TYW1B: variants seen among roughly 807,000 people sequenced by gnomAD.
The protein encoded by TYW1B is tRNA-yW synthesizing protein 1 homolog B, also known as S-adenosyl-L-methionine-dependent tRNA 4-demethylwyosine synthase TYW1B.
A neutral mutation model predicts 86.9 loss-of-function variants in TYW1B; 73 were observed. That is an observed-to-expected ratio of 0.84 (90% CI 0.70 to 1.02). TYW1B has a LOEUF of 1.02. Ranked by LOEUF, TYW1B falls within the 50% of genes least tolerant of loss-of-function variation. TYW1B has a pLI of 0.00. For synonymous variants in TYW1B, 248 were observed against 292.8 expected, an observed-to-expected ratio of 0.85 and a Z score of 1.56; for missense variants, 637 against 827.4, an observed-to-expected ratio of 0.77 and a Z score of 2.82.
At chr7:72,653,631 T>G (rs1438953113) in intron 11 of TYW1B, among the ~76,000 whole-genome samples, 8 of 151,792 alleles carry the variant, frequency 5.3e-5, no homozygotes, top group Non-Finnish European at 1.0e-4. Flanking sequence ...ATAATATACC[T>G]GCTAACCAGC....
At chr7:72,713,998 C>T (rs1283396613) in intron 9 of TYW1B, among the ~76,000 whole-genome samples, 200 bp from the exon 10 acceptor site, 1 of 149,888 alleles carries the variant, frequency 6.7e-6, no homozygotes, top group Non-Finnish European at 1.5e-5. Flanking sequence ...GTTTTGGTAC[C>T]AGTTAAACTA....
chr7:72,591,747 A>T (rs1811400365), intron 13 of TYW1B, among the ~76,000 whole-genome samples: 1 of 152,212 alleles, frequency 6.6e-6, no homozygotes, highest in South Asian at 2.1e-4. Context: ...TAAAGATCAT[A>T]GTAAAGGTAA....
At chr7:72,736,714 A>C (rs1787202638) in intron 8 of TYW1B, among the ~76,000 whole-genome samples, 2 of 152,186 alleles carry the variant, frequency 1.3e-5, no homozygotes, top group Admixed American at 6.5e-5. Context: ...ACAGAAATGC[A>C]ATCTTACTAT....
intron 12 of TYW1B, among the ~76,000 whole-genome samples, chr7:72,625,896 C>CTG (rs1265783722): frequency 1.4e-5 from 1 of 71,378 alleles, no homozygotes. Flanking sequence ...AGAGGTGGGG[C>CTG]GGGGGGGGGG....
rs1466957350 is a variant in TYW1B, at chr7:72,778,669, C to T, written c.847-1136G>A. ...GTTTCCCCATGTTGGCCAGGCTGGT[C>T]TGAAACTCCTGGCCAATGTCTACTT... On this transcript the variant is annotated intron_variant, in intron 6 of 13. Transcript: ENST00000620995. 2.0e-5 allele frequency among the ~76,000 whole-genome samples: 3 copies of T among 152,192 alleles called. 1 individual carries two copies. Among genetic ancestry groups the T allele is most frequent in the Non-Finnish European group, 4.4e-5 (3 of 68,034 alleles).
chr7:72,710,703 G>T (rs1786636826), intron 10 of TYW1B, among the ~76,000 whole-genome samples: 1 of 152,122 alleles, frequency 6.6e-6, no homozygotes, highest in South Asian at 2.1e-4. Context: ...AGCTACTGGG[G>T]AGACTGAGGC....
intron 8 of TYW1B, among the ~76,000 whole-genome samples, chr7:72,740,317 T>C (rs1787280608): frequency 6.6e-6 from 1 of 151,790 alleles, no homozygotes; most frequent in Non-Finnish European, 1.5e-5. Flanking sequence ...TGAGAATTGC[T>C]TGAACCCAGG....
rs1340481204 is a variant in TYW1B, at chr7:72,825,451, G to A, written c.135+1404C>T. On this transcript the variant is annotated intron_variant, in intron 2 of 13. Transcript: ENST00000620995. ...CCCAGCACTTTGGGAGGCCGAGGCA[G>A]GCGCATCACCTGAGCCCAGGAGTTT... is the stretch of plus-strand genomic sequence containing the variant. 3.9e-5 allele frequency among the ~76,000 whole-genome samples: 6 copies of A among 152,328 alleles called. No individual in the cohort carries two copies. In the East Asian group the frequency reaches 5.8e-4, roughly 15 times the overall value.
intron 6 of TYW1B, among the ~76,000 whole-genome samples, chr7:72,785,904 G>A (rs1451453838): frequency 6.6e-6 from 1 of 152,142 alleles, no homozygotes; most frequent in Non-Finnish European, 1.5e-5. Flanking sequence ...CCTGAGGTCA[G>A]GAGTTCAAGA....
intron 11 of TYW1B, among the ~76,000 whole-genome samples, chr7:72,666,802 C>A (rs371140131): frequency 6.6e-6 from 1 of 151,896 alleles, no homozygotes; most frequent in Non-Finnish European, 1.5e-5. Flanking sequence ...GAGACCGAGG[C>A]GGGTGGATCA....
intron 11 of TYW1B, among the ~76,000 whole-genome samples, chr7:72,630,822 T>C (rs1433313411): frequency 4.6e-5 from 7 of 152,160 alleles, no homozygotes; most frequent in Non-Finnish European, 1.0e-4. Context: ...TACATACTTA[T>C]AATCCTTCCA....
At chr7:72,709,384 C>T (rs1484351981) in intron 10 of TYW1B, among the ~76,000 whole-genome samples, 5 of 152,168 alleles carry the variant, frequency 3.3e-5, no homozygotes, top group Non-Finnish European at 7.3e-5. Flanking sequence ...AATCCAAAAG[C>T]GTGGCCGAGC....
In TYW1B at chr7:72,684,703, A is replaced by G. The variant is rs564862340; in HGVS notation, c.1506+9984T>C. ...TTCTTAATTCATCTAACAGATAGCAATTTGGCCAAAATAATAAGATAGCAA... is the reference window on the plus strand; with the variant it reads ...TTCTTAATTCATCTAACAGATAGCAGTTTGGCCAAAATAATAAGATAGCAA... On this transcript the variant is annotated intron_variant, in intron 11 of 13. Coordinates refer to ENST00000620995, the MANE Select transcript of TYW1B (RefSeq NM_001145440.3). Among the ~76,000 whole-genome samples the G allele has an allele frequency of 1.1e-4, 17 of 152,274 alleles. No individual in the cohort carries two copies. In the South Asian group the frequency reaches 3.1e-3, roughly 28 times the overall value.
At chr7:72,639,535 GT>G (rs531373422) in intron 11 of TYW1B, among the ~76,000 whole-genome samples, 124 of 152,226 alleles carry the variant, frequency 8.1e-4, no homozygotes, top group African/African-American at 2.8e-3. Context: ...AAAATTTGTG[GT>G]TAAATCATGA....
chr7:72,610,293 A>G (rs1441128871), intron 13 of TYW1B, among the ~76,000 whole-genome samples: 1 of 152,144 alleles, frequency 6.6e-6, no homozygotes, highest in Non-Finnish European at 1.5e-5. Flanking sequence ...ACAACTTATA[A>G]TCTGGACTCC....
rs145596435 is a variant in TYW1B, at chr7:72,798,810, T to C, written c.846+3590A>G. ...ATCCAGCTTTGGAGTTTTGTTATTATATTCTGAAAGGTGAGAAATGTTTAT... is the reference window on the plus strand; with the variant it reads ...ATCCAGCTTTGGAGTTTTGTTATTACATTCTGAAAGGTGAGAAATGTTTAT... On this transcript the variant is annotated intron_variant, in intron 6 of 13. Transcript: ENST00000620995. Among the ~76,000 whole-genome samples, 278 of 152,352 alleles carry C rather than the reference T, an allele frequency of 1.8e-3. 4 individuals are homozygous for C. In the East Asian group the frequency reaches 0.046, roughly 25 times the overall value.
At chr7:72,633,706 T>C (rs1812599609) in intron 11 of TYW1B, among the ~76,000 whole-genome samples, 1 of 152,134 alleles carries the variant, frequency 6.6e-6, no homozygotes, top group Non-Finnish European at 1.5e-5. Flanking sequence ...CACTCAACAC[T>C]GTGTTTATAA....
At chr7:72,612,941 G>A (rs1389714311) in intron 13 of TYW1B, among the ~76,000 whole-genome samples, 2 of 151,886 alleles carry the variant, frequency 1.3e-5, no homozygotes, top group Non-Finnish European at 2.9e-5. Context: ...AATAGTGATG[G>A]AGTCTCACTA....
At chr7:72,628,094 C>T (rs1163069916) in intron 12 of TYW1B, among the ~76,000 whole-genome samples, 1 of 152,034 alleles carries the variant, frequency 6.6e-6, no homozygotes, top group Non-Finnish European at 1.5e-5. Context: ...GAGTTTGAGA[C>T]CAGCCTGGGC....
Sources: allele counts gnomAD v4.1 joint callset (sites outside exome capture counted in the v4.1 genomes callset), GRCh38; gene constraint gnomAD v4.1.1; transcripts MANE v1.5; gene names NCBI Gene and HGNC (gene_info 2026-07-23, HGNC 2026-07-21).